Variants in ADAMTSL3 observed in about 807,000 individuals in gnomAD.
ADAMTSL3 encodes the protein ADAMTS like 3.
A neutral mutation model predicts 201.7 loss-of-function variants in ADAMTSL3; 128 were observed. The ratio of observed to expected loss-of-function variants is 0.63; its 90% CI spans 0.55 to 0.73. The LOEUF is 0.73. ADAMTSL3 is among the 30% of genes least tolerant of loss of function. The pLI is 0.00. For synonymous variants in ADAMTSL3, 738 were observed against 748.4 expected (o/e 0.99, Z 0.23); for missense variants, 1,990 against 2,119.6 (o/e 0.94, Z 1.20).
intron 19 of ADAMTSL3, among the ~76,000 whole-genome samples, chr15:83,962,006 A>G (rs2066980522): frequency 6.6e-6 from 1 of 152,156 alleles, no homozygotes; most frequent in South Asian, 2.1e-4. Context: ...AGTTCCCATA[A>G]TTCCCATGTG....
chr15:83,863,727 A>G (rs968512986), intron 8 of ADAMTSL3, among the ~76,000 whole-genome samples: 7 of 152,224 alleles, frequency 4.6e-5, no homozygotes, highest in Non-Finnish European at 7.3e-5. Context: ...GAGCAAACAC[A>G]TTCAAAAGCT....
chr15:83,823,969 TCTTCTCCTCCTC>T (rs2063954616), intron 6 of ADAMTSL3, among the ~76,000 whole-genome samples: 1 of 67,192 alleles, frequency 1.5e-5, no homozygotes, highest in Non-Finnish European at 3.5e-5. Context: ...TTCTTCTTCT[TCTTCTCCTCCTC>T]CTCCTCCTCC....
At chr15:83,919,417 G>A (rs2066096960) in intron 16 of ADAMTSL3, among the ~76,000 whole-genome samples, 1 of 152,154 alleles carries the variant, frequency 6.6e-6, no homozygotes, top group South Asian at 2.1e-4. Context: ...CAGCTGTGTT[G>A]CTTGCCATGC....
At chr15:83,877,939 T>C (rs1023573013) in intron 9 of ADAMTSL3, among the ~76,000 whole-genome samples, 22 of 152,202 alleles carry the variant, frequency 1.4e-4, no homozygotes, top group African/African-American at 5.1e-4. Context: ...TATTCATGTA[T>C]TAATACTAAT....
At chr15:83,990,525 A>T (rs1476510769) in intron 22 of ADAMTSL3, among the ~76,000 whole-genome samples, 1 of 152,164 alleles carries the variant, frequency 6.6e-6, no homozygotes, top group Admixed American at 6.5e-5. Context: ...TTTACATTGG[A>T]AAAAACCTCT....
chr15:83,704,980 G>C (rs899373811), intron 3 of ADAMTSL3, among the ~76,000 whole-genome samples: 2 of 151,918 alleles, frequency 1.3e-5, no homozygotes, highest in Non-Finnish European at 2.9e-5. Flanking sequence ...GTGTGTGTGT[G>C]TGTGTGTGTG....
At chr15:83,801,032 G>C (rs947310942) in intron 4 of ADAMTSL3, among the ~76,000 whole-genome samples, 24 of 152,088 alleles carry the variant, frequency 1.6e-4, no homozygotes, top group African/African-American at 5.6e-4. Context: ...CTCCACACCA[G>C]TACATTTTTT....
intron 9 of ADAMTSL3, among the ~76,000 whole-genome samples, chr15:83,881,787 G>A (rs1415228364): frequency 6.6e-6 from 1 of 151,710 alleles, no homozygotes; most frequent in Admixed American, 6.6e-5. Context: ...CCTGGGAGGC[G>A]AAGGTTGCAG....
In ADAMTSL3 at chr15:83,982,598, A is replaced by G. The variant is rs2067404750; in HGVS notation, c.2970A>G (p.Thr990=). The G allele has an allele frequency of 6.2e-7, 1 of 1,614,060 alleles. No homozygotes were observed. The highest frequency in any genetic ancestry group is 1.1e-5 in the South Asian group (1 of 91,094). The part of the protein sequence containing the change: ...YRCIAGSAQE[T]VVLKLIGTDN... The stretch of plus-strand genomic sequence containing the variant: ...GCATTGCAGGCTCTGCACAGGAAAC[A>G]GTTGTGCTCAAGCTCATTGGTACTG... The change falls in exon 21 of 30, where the codon ACA becomes ACG. Residue 990 remains threonine (T), a synonymous_variant. Coordinates refer to ENST00000286744, the MANE Select transcript of ADAMTSL3 (RefSeq NM_207517.3).
intron 21 of ADAMTSL3, among the ~76,000 whole-genome samples, chr15:83,986,801 T>A (rs188536683): frequency 2.6e-5 from 4 of 152,296 alleles, no homozygotes; most frequent in Admixed American, 2.6e-4. Context: ...AGTTTGTGGG[T>A]GTATCAATTA....
rs759616691 is a variant in ADAMTSL3, at chr15:83,982,870, A to G, written c.3242A>G (p.Glu1081Gly). ...TGGGAGTTGAAGAATAAGCAGTTTG[A>G]AGCAGCAGTTAAACAAGGAGCATAT... The part of the protein sequence containing the change: ...NSWELKNKQF[E>G]AAVKQGAYSM... Residue 1081 changes from glutamate (E) to glycine (G), a missense_variant, in exon 21 of 30, where the codon GAA (glutamate) becomes GGA (glycine). Physicochemically the swap from Glu to Gly is moderately conservative, Grantham distance 98 (BLOSUM62 -2). Transcript: ENST00000286744. 1.2e-6 allele frequency: 2 copies of G among 1,614,084 alleles called. No individual in the cohort carries two copies. The highest frequency in any genetic ancestry group is 1.1e-5 in the South Asian group (1 of 91,086).
At chr15:83,734,254 C>T (rs2062334391) in intron 3 of ADAMTSL3, among the ~76,000 whole-genome samples, 1 of 152,082 alleles carries the variant, frequency 6.6e-6, no homozygotes, top group South Asian at 2.1e-4. Context: ...AAAGATCCCT[C>T]TCTTGAGCCT....
intron 26 of ADAMTSL3, among the ~76,000 whole-genome samples, chr15:84,022,230 A>G (rs1049529511): frequency 6.6e-6 from 1 of 151,578 alleles, no homozygotes; most frequent in African/African-American, 2.4e-5. Context: ...CCAAGCCGTC[A>G]TTTTTTCTTA....
intron 9 of ADAMTSL3, among the ~76,000 whole-genome samples, chr15:83,876,322 G>GT (rs1309966139): frequency 4.0e-5 from 6 of 151,564 alleles, no homozygotes; most frequent in South Asian, 2.1e-4. Flanking sequence ...TTAACTCAGA[G>GT]TTTTTTTTAC....
chr15:83,899,950 TA>T (rs2065691940), intron 15 of ADAMTSL3, among the ~76,000 whole-genome samples: 1 of 152,202 alleles, frequency 6.6e-6, no homozygotes, highest in Admixed American at 6.5e-5. Context: ...AGAACAGTGT[TA>T]CTTAACTCAA....
intron 3 of ADAMTSL3, among the ~76,000 whole-genome samples, chr15:83,720,013 A>C (rs2141570803): frequency 6.6e-6 from 1 of 152,258 alleles, no homozygotes; most frequent in Non-Finnish European, 1.5e-5. Flanking sequence ...TGAGGCTAGG[A>C]GCTTGAGACC....
At chr15:83,734,658 A>G (rs1390913076) in intron 3 of ADAMTSL3, among the ~76,000 whole-genome samples, 1 of 152,168 alleles carries the variant, frequency 6.6e-6, no homozygotes, top group Non-Finnish European at 1.5e-5. Context: ...TGCTCAGCAA[A>G]TAGTCTTAAA....
At chr15:83,870,748 T>C in intron 8 of ADAMTSL3, 54 bp from the exon 9 acceptor site, 1 of 1,425,830 alleles carries the variant, frequency 7.0e-7, no homozygotes, top group South Asian at 1.4e-5. Flanking sequence ...ATGTCTTTTG[T>C]AATAAAATAC....
intron 3 of ADAMTSL3, among the ~76,000 whole-genome samples, chr15:83,755,807 G>C (rs1050082742): frequency 6.6e-6 from 1 of 151,562 alleles, no homozygotes; most frequent in South Asian, 2.1e-4. Flanking sequence ...AGGCTGGAGT[G>C]CAGTGGCATG....
Sources: allele counts gnomAD v4.1 joint callset (sites outside exome capture counted in the v4.1 genomes callset), GRCh38; gene constraint gnomAD v4.1.1; transcripts MANE v1.5; gene names NCBI Gene and HGNC (gene_info 2026-07-23, HGNC 2026-07-21).